The following INPP5D variants were observed in gnomAD, a reference collection of about 807,000 sequenced individuals.
The protein encoded by INPP5D is inositol polyphosphate-5-phosphatase D.
In INPP5D, 33 loss-of-function variants were observed where a neutral mutation model predicts 122.9. That is an observed-to-expected ratio of 0.27 (90% CI 0.20 to 0.36). The LOEUF is 0.36. Ranked by LOEUF, INPP5D falls within the 10% of genes least tolerant of loss-of-function variation. The probability of loss-of-function intolerance (pLI) is 1.00; values close to 1 mark genes in which losing one functional copy is unlikely to be tolerated. For synonymous variants in INPP5D, 584 were observed against 576.2 expected (o/e 1.01, Z -0.19); for missense variants, 1,053 against 1,412.7 (o/e 0.75, Z 4.08).
chr2:233,158,190 A>G, intron 9 of INPP5D, 123 bp from the exon 10 acceptor site: 1 of 597,248 alleles, frequency 1.7e-6, no homozygotes. Flanking sequence ...GGGAGACCAG[A>G]CACAAACTCG....
At chr2:233,075,896 A>G (rs1691507745) in intron 1 of INPP5D, among the ~76,000 whole-genome samples, 1 of 152,116 alleles carries the variant, frequency 6.6e-6, no homozygotes, top group Non-Finnish European at 1.5e-5. Context: ...GTTACTGTCT[A>G]AGGGGGAAGT....
At chr2:233,083,003 C>T (rs1326727119) in intron 2 of INPP5D, among the ~76,000 whole-genome samples, 1 of 152,224 alleles carries the variant, frequency 6.6e-6, no homozygotes, top group Admixed American at 6.5e-5. Flanking sequence ...GCCTCTTGCC[C>T]TTCACATGGT....
At chr2:233,151,870 T>C (rs1292342528) in intron 9 of INPP5D, among the ~76,000 whole-genome samples, 2 of 152,206 alleles carry the variant, frequency 1.3e-5, no homozygotes, top group Non-Finnish European at 2.9e-5. Flanking sequence ...AATGTAATAA[T>C]GAATGAATGC....
At chr2:233,157,481 G>C (rs1326622939) in intron 9 of INPP5D, among the ~76,000 whole-genome samples, 1 of 152,110 alleles carries the variant, frequency 6.6e-6, no homozygotes, top group Non-Finnish European at 1.5e-5. Flanking sequence ...ACACAAAGTT[G>C]TCTAGAAAAA....
chr2:233,093,393 T>G (rs1300146950), intron 2 of INPP5D, among the ~76,000 whole-genome samples: 1 of 152,212 alleles, frequency 6.6e-6, no homozygotes, highest in African/African-American at 2.4e-5. Context: ...CAAGACTTTA[T>G]GGTAAGGCCA....
rs1410463215 is a variant in INPP5D at position 233,193,231 on chromosome 2, A to C, written c.2447-581A>C. On this transcript the variant is annotated intron_variant, in intron 22 of 26. Transcript: ENST00000445964. ...CTCGCTTCCTATCTATGCTAACTTCATGTCTGTGAAAGAGCAACTTAATGA... is the reference window on the plus strand; with the variant it reads ...CTCGCTTCCTATCTATGCTAACTTCCTGTCTGTGAAAGAGCAACTTAATGA... Among the ~76,000 whole-genome samples the C allele has an allele frequency of 2.6e-5, 4 of 152,328 alleles. No homozygotes were observed. The East Asian group carries it at 7.7e-4, about 29-fold the overall frequency.
Position 233,170,589 on chromosome 2 carries a change from G to A in INPP5D, c.1885G>A (p.Val629Ile), listed in dbSNP as rs371795790. The change falls in exon 16 of 27, where the codon GTC becomes ATC. Residue 629 changes from valine to isoleucine, a missense_variant. Physicochemically the swap from Val to Ile is conservative, Grantham distance 29. This residue lies in a region of INPP5D where 258 missense variants were observed against 439.1 expected (regional missense o/e 0.59). Coordinates refer to ENST00000445964, the MANE Select transcript of INPP5D (RefSeq NM_001017915.3). The surrounding 1 kb of genome is among the most constrained non-coding windows in gnomAD (Gnocchi z 4.5). ...QLLTERREQK[V>I]FLHFEEEEIT... Reference sequence around the variant, plus strand: ...GCTCACAGAGAGGAGGGAGCAGAAGGTCTTCCTACACTTCGGTAAGAGCAG... The same window carrying A: ...GCTCACAGAGAGGAGGGAGCAGAAGATCTTCCTACACTTCGGTAAGAGCAG... 1 of 1,613,268 alleles carries A rather than the reference G, an allele frequency of 6.2e-7. No homozygotes were observed. Among genetic ancestry groups the A allele is most frequent in the South Asian group, 1.1e-5 (1 of 91,076 alleles).
chr2:233,090,036 G>A (rs73101525), intron 2 of INPP5D, among the ~76,000 whole-genome samples: 5,696 of 152,272 alleles, frequency 0.037, 363 homozygotes, highest in African/African-American at 0.13. Flanking sequence ...TAGGCGACCC[G>A]GTGTCTGTCT....
chr2:233,123,740 G>A (rs1378871352), intron 3 of INPP5D, among the ~76,000 whole-genome samples: 1 of 152,200 alleles, frequency 6.6e-6, no homozygotes, highest in Non-Finnish European at 1.5e-5. Context: ...GTGATGACTG[G>A]ATAAAGAAAA....
chr2:233,081,525 G>A (rs1028828161), intron 2 of INPP5D, among the ~76,000 whole-genome samples: 10 of 152,186 alleles, frequency 6.6e-5, no homozygotes, highest in African/African-American at 1.7e-4. Flanking sequence ...TGTAGACTGC[G>A]TCTCCGGTTT....
At chr2:233,180,701 G>A (rs1694762837) in intron 18 of INPP5D, among the ~76,000 whole-genome samples, 1 of 152,186 alleles carries the variant, frequency 6.6e-6, no homozygotes, top group Non-Finnish European at 1.5e-5. Context: ...ACCACGCCCA[G>A]CTAATTTTTG....
At chr2:233,191,804 C>T (rs529196752) in intron 22 of INPP5D, among the ~76,000 whole-genome samples, 5 of 152,254 alleles carry the variant, frequency 3.3e-5, no homozygotes, top group South Asian at 2.1e-4. Context: ...CATTTATCCA[C>T]GTGCTTATTT....
intron 6 of INPP5D, 91 bp from the exon 7 acceptor site, chr2:233,146,071 T>A (rs762892667): frequency 1.4e-6 from 1 of 703,664 alleles, no homozygotes; most frequent in African/African-American, 1.7e-5. Flanking sequence ...GAGGCTGGAA[T>A]GGGGTGAGGT....
intron 1 of INPP5D, chr2:233,076,299 G>T (rs1173692832): frequency 6.6e-6 from 1 of 152,240 alleles, no homozygotes; most frequent in Non-Finnish European, 1.5e-5. Flanking sequence ...CTGCAAAGGG[G>T]ATTGAGGCCA....
chr2:233,170,346 C>T lies in INPP5D; in HGVS notation c.1792-150C>T, dbSNP rs1341815071. On this transcript the variant is annotated intron_variant, in intron 15 of 26. Coordinates refer to ENST00000445964, the MANE Select transcript of INPP5D (RefSeq NM_001017915.3). This position sits in a 1 kb window ranked among gnomAD's most constrained non-coding sequence, Gnocchi z 4.5. ...AGCCGCTCCTCACGGTTCCCCTGTGCTCACACCCGGTTCCCATAACTGTCA... is the reference window on the plus strand; with the variant it reads ...AGCCGCTCCTCACGGTTCCCCTGTGTTCACACCCGGTTCCCATAACTGTCA... 1.3e-6 allele frequency: 2 copies of T among 1,486,556 alleles called. No individual in the cohort carries two copies. The highest frequency in any genetic ancestry group is 2.1e-5 in the Admixed American group (1 of 47,126). 92.1% of individuals were successfully genotyped at this position (1,486,556 alleles called of 1,614,324 possible).
chr2:233,187,534 T>C (rs1213571639), intron 21 of INPP5D, among the ~76,000 whole-genome samples: 2 of 152,216 alleles, frequency 1.3e-5, no homozygotes, highest in African/African-American at 2.4e-5. Flanking sequence ...TGGACCCACA[T>C]TGGCATTAAC....
chr2:233,086,211 T>A (rs1432604265), intron 2 of INPP5D, among the ~76,000 whole-genome samples: 2 of 147,848 alleles, frequency 1.4e-5, no homozygotes, highest in Admixed American at 6.9e-5. Flanking sequence ...AGAGTTTCGC[T>A]CTTGTTGCCC....
intron 2 of INPP5D, among the ~76,000 whole-genome samples, chr2:233,080,561 G>C (rs974303398): frequency 1.3e-5 from 2 of 152,134 alleles, no homozygotes; most frequent in Non-Finnish European, 2.9e-5. Context: ...GTCGACAAAG[G>C]TTTGGATATC....
At chr2:233,195,546 T>A in intron 24 of INPP5D, 51 bp downstream of exon 24, 1 of 1,610,922 alleles carries the variant, frequency 6.2e-7, no homozygotes, top group Non-Finnish European at 8.5e-7. Context: ...CAGGGACTCA[T>A]GACAAATTAG....
Sources: gnomAD v4.1 joint callset for allele counts (sites outside exome capture counted in the v4.1 genomes callset) on GRCh38, gnomAD v4.1.1 for gene constraint, gnomAD v4.1.1 regional missense constraint, Gnocchi (gnomAD v3.1) non-coding constraint, MANE v1.5 for transcripts, NCBI Gene and HGNC (gene_info 2026-07-23, HGNC 2026-07-21) for gene names.